ZDHHC2: variants seen among roughly 807,000 people sequenced by gnomAD.
ZDHHC2 encodes the protein zDHHC palmitoyltransferase 2.
ZDHHC2 carries 51 observed loss-of-function variants against 55.6 expected under a neutral mutation model. The observed-to-expected ratio is 0.92, with a 90% CI of 0.73 to 1.16. The LOEUF (loss-of-function observed/expected upper bound fraction) is 1.16. Among genes scored for constraint, ZDHHC2 ranks in the 50% most tolerant of loss-of-function variants. The pLI, the probability that ZDHHC2 is intolerant of heterozygous loss-of-function variation, is 0.00. For missense variants in ZDHHC2, 491 were observed against 442.4 expected (o/e 1.11, Z -0.99); for synonymous variants, 199 against 152.9 (o/e 1.30, Z -2.22).
At position 17,199,622 on chromosome 8, in the gene ZDHHC2, T is replaced by G. The variant is rs1563161741; in HGVS notation, c.476+1209T>G. On this transcript the variant is annotated intron_variant, in intron 6 of 12. Coordinates refer to ENST00000262096, the MANE Select transcript of ZDHHC2 (RefSeq NM_016353.5). ...TCTTTATTCTTTCTTCTTCTTCTTCTTCCTTTCTTCTTCTTCTCCTCCTCC... is the reference window on the plus strand; with the variant it reads ...TCTTTATTCTTTCTTCTTCTTCTTCGTCCTTTCTTCTTCTTCTCCTCCTCC... Among the ~76,000 whole-genome samples, 21 of 50,562 alleles carry G rather than the reference T, an allele frequency of 4.2e-4. 1 individual carries two copies. The highest frequency in any genetic ancestry group is 2.0e-3 in the South Asian group (3 of 1,466). The allele number at this position is 50,562 out of a possible 152,430, so 33.2% of individuals were successfully genotyped here.
At chr8:17,199,491 T>G (rs976127513) in intron 6 of ZDHHC2, among the ~76,000 whole-genome samples, 5,415 of 36,806 alleles carry the variant, frequency 0.15, 186 homozygotes, top group Admixed American at 0.22. Context: ...CTTCTTCTTC[T>G]TCTTCTTCTT....
intron 1 of ZDHHC2, among the ~76,000 whole-genome samples, chr8:17,178,409 A>G (rs1805260078): frequency 1.3e-5 from 2 of 152,142 alleles, no homozygotes; most frequent in Admixed American, 1.3e-4. Flanking sequence ...ACACATACAC[A>G]CACATCCTAT....
intron 1 of ZDHHC2, among the ~76,000 whole-genome samples, chr8:17,174,242 C>G (rs1249252974): frequency 1.3e-5 from 2 of 151,924 alleles, no homozygotes; most frequent in South Asian, 4.2e-4. Context: ...GTGCATGCCA[C>G]GATGCCCTGC....
intron 1 of ZDHHC2, among the ~76,000 whole-genome samples, chr8:17,166,061 C>T (rs2705183): frequency 0.33 from 50,274 of 152,038 alleles, 10,164 homozygotes; most frequent in Middle Eastern, 0.47. Flanking sequence ...AGGCCAGAGG[C>T]CACTGTGAGG....
chr8:17,210,825 C>T (rs1807345252), intron 10 of ZDHHC2, among the ~76,000 whole-genome samples: 1 of 152,052 alleles, frequency 6.6e-6, no homozygotes, highest in African/African-American at 2.4e-5. Flanking sequence ...GTAAAATCGC[C>T]CCTGACCCAC....
rs1405742419 is a variant in ZDHHC2, at chr8:17,221,748, G to C, written c.*1527G>C. The C allele has an allele frequency of 1.3e-5, 2 of 152,462 alleles. 1 individual carries two copies. The highest frequency in any genetic ancestry group is 3.9e-4 in the East Asian group (2 of 5,194). 9.4% of individuals were successfully genotyped at this position (152,462 alleles called of 1,614,324 possible). A position where few individuals can be genotyped will look rare whatever the true frequency, so the allele number is the denominator to read the frequency against. On this transcript the variant is annotated 3_prime_UTR_variant, in exon 13 of 13. Coordinates refer to ENST00000262096, the MANE Select transcript of ZDHHC2 (RefSeq NM_016353.5). ...TTTGAGTGCAATTCTTTGAACAATAGAAATATCTGCAGTCTTTCACAGATT... is the reference window on the plus strand; with the variant it reads ...TTTGAGTGCAATTCTTTGAACAATACAAATATCTGCAGTCTTTCACAGATT...
chr8:17,199,315 A>G (rs1022763583), intron 6 of ZDHHC2, among the ~76,000 whole-genome samples: 31 of 152,176 alleles, frequency 2.0e-4, no homozygotes, highest in Non-Finnish European at 2.2e-4. Context: ...AACCCATACA[A>G]GAATGGCACT....
In ZDHHC2 at chr8:17,222,392, A is replaced by G. The variant is rs1370765796; in HGVS notation, c.*2171A>G. ...ATAGATCTACATTTTGTACATATTT[A>G]TATAAAATTTACCTTTAAGTATTTA... is the stretch of plus-strand genomic sequence containing the variant. On this transcript the variant is annotated 3_prime_UTR_variant, in exon 13 of 13. Transcript: ENST00000262096. 6.6e-6 allele frequency: 1 copy of G among 151,862 alleles called. No individual in the cohort carries two copies. The highest frequency in any genetic ancestry group is 2.4e-5 in the African/African-American group (1 of 41,420). 9.4% of individuals were successfully genotyped at this position (151,862 alleles called of 1,614,324 possible).
At chr8:17,209,820 G>T (rs1807286646) in intron 8 of ZDHHC2, 112 bp from the exon 9 acceptor site, 1 of 1,285,750 alleles carries the variant, frequency 7.8e-7, no homozygotes, top group African/African-American at 1.5e-5. Flanking sequence ...CTCACAGTCA[G>T]CTAGCCATTG....
At chr8:17,212,733 G>A (rs983388680) in intron 10 of ZDHHC2, among the ~76,000 whole-genome samples, 9 of 151,872 alleles carry the variant, frequency 5.9e-5, no homozygotes, top group African/African-American at 1.5e-4. Context: ...CATCTTACTC[G>A]GAATAAAAGC....
intron 1 of ZDHHC2, among the ~76,000 whole-genome samples, chr8:17,166,261 A>G (rs965474798): frequency 1.3e-5 from 2 of 152,172 alleles, no homozygotes; most frequent in African/African-American, 4.8e-5. Context: ...AGGTGGTCAG[A>G]TTCTGGACGT....
intron 6 of ZDHHC2, 109 bp downstream of exon 6, chr8:17,198,522 A>G (rs1563160302): frequency 2.9e-6 from 3 of 1,035,808 alleles, no homozygotes; most frequent in Admixed American, 3.4e-5. Context: ...TTGAGTTGAC[A>G]TAGCAGGAAC....
intron 1 of ZDHHC2, among the ~76,000 whole-genome samples, chr8:17,168,521 C>T (rs746762760): frequency 4.6e-5 from 7 of 152,012 alleles, no homozygotes; most frequent in Non-Finnish European, 1.0e-4. Flanking sequence ...TCCATTTTAA[C>T]CATTTTTAAG....
intron 6 of ZDHHC2, among the ~76,000 whole-genome samples, chr8:17,204,456 T>G (rs1806988342): frequency 6.6e-6 from 1 of 152,248 alleles, no homozygotes; most frequent in Admixed American, 6.5e-5. Context: ...AAGAAGTTAC[T>G]CAACCCATGA....
rs1420646793 is a variant in ZDHHC2 at position 17,163,995 on chromosome 8, AT to A, written c.130+7143del. Among the ~76,000 whole-genome samples, 5 of 152,274 alleles carry A rather than the reference AT, an allele frequency of 3.3e-5. No homozygotes were observed. The South Asian group carries it at 6.2e-4, about 19-fold the overall frequency. On this transcript the variant is annotated intron_variant, in intron 1 of 12. Transcript: ENST00000262096. Reference sequence around the variant, plus strand: ...TATAATTGTCTTGATTGTTGTTTCAATCAAATGGCAGTAGTGAAAAGGGCGA... The same window carrying A: ...TATAATTGTCTTGATTGTTGTTTCAACAAATGGCAGTAGTGAAAAGGGCGA...
In ZDHHC2 at chr8:17,210,383, T is replaced by A. The variant is rs1475757543; in HGVS notation, c.858-5T>A. On this transcript the variant is annotated splice_polypyrimidine_tract_variant and splice_region_variant and intron_variant, in intron 9 of 12. Transcript: ENST00000262096. ...TTCAGTTCTAAATTTTTATTTTAAT[T>A]CTAGTCTAGGTGATGGCTGCTCCTT... 1 of 1,610,470 alleles carries A rather than the reference T, an allele frequency of 6.2e-7. No individual in the cohort carries two copies. The highest frequency in any genetic ancestry group is 2.2e-5 in the East Asian group (1 of 44,816).
In ZDHHC2 at chr8:17,224,744, T is replaced by A. The variant is rs1305923125; in HGVS notation, c.*4523T>A. ...AGTTTAGATTTTGTGTCTTTTTCTG[T>A]CAGTATGTATGGCTCCCTAATTGAA... is the stretch of plus-strand genomic sequence containing the variant. On this transcript the variant is annotated 3_prime_UTR_variant, in exon 13 of 13. Coordinates refer to ENST00000262096, the MANE Select transcript of ZDHHC2 (RefSeq NM_016353.5). The A allele has an allele frequency of 6.6e-6, 1 of 151,824 alleles. No individual in the cohort carries two copies. The highest frequency in any genetic ancestry group is 2.4e-5 in the African/African-American group (1 of 41,422). 9.4% of individuals were successfully genotyped at this position (151,824 alleles called of 1,614,324 possible). A position where few individuals can be genotyped will look rare whatever the true frequency, so the allele number is the denominator to read the frequency against.
rs1387641661 is a variant in ZDHHC2 at position 17,205,661 on chromosome 8, C to T, written c.483C>T (p.Asn161=). Residue 161 remains asparagine (N), a synonymous_variant, in exon 7 of 13, where the codon AAC becomes AAT. Transcript: ENST00000262096. The stretch of plus-strand genomic sequence containing the variant: ...GTTTTTGTTTTGTTAACAGGGTGAA[C>T]AATTGTGTTGGATTTTCAAATTATA... The part of the protein sequence containing the change: ...LKMDHHCPWV[N]NCVGFSNYKF... The T allele has an allele frequency of 6.2e-7, 1 of 1,600,024 alleles. No homozygotes were observed. Among genetic ancestry groups the T allele is most frequent in the Admixed American group, 1.8e-5 (1 of 56,770 alleles).
At chr8:17,201,828 G>T (rs1033432613) in intron 6 of ZDHHC2, among the ~76,000 whole-genome samples, 4 of 152,006 alleles carry the variant, frequency 2.6e-5, no homozygotes, top group African/African-American at 9.6e-5. Context: ...ATTTTAAACA[G>T]GTATTTTGAA....
Sources: allele counts gnomAD v4.1 joint callset (sites outside exome capture counted in the v4.1 genomes callset), GRCh38; gene constraint gnomAD v4.1.1; transcripts MANE v1.5; gene names NCBI Gene and HGNC (gene_info 2026-07-23, HGNC 2026-07-21).